Variants in IGSF21 observed in about 807,000 individuals in gnomAD.
IGSF21 encodes the protein immunoglobulin superfamily member 21.
A neutral mutation model predicts 46.8 loss-of-function variants in IGSF21; 28 were observed. The ratio of observed to expected loss-of-function variants is 0.60; its 90% CI spans 0.44 to 0.82. The LOEUF (loss-of-function observed/expected upper bound fraction) is 0.82. IGSF21 is among the 40% of genes least tolerant of loss of function. IGSF21 has a pLI of 0.00. For missense variants in IGSF21, 624 were observed against 665.5 expected (o/e 0.94, Z 0.69); for synonymous variants, 284 against 273.6 (o/e 1.04, Z -0.38).
At chr1:18,272,770 A>G (rs2085055257) in intron 2 of IGSF21, among the ~76,000 whole-genome samples, 1 of 152,214 alleles carries the variant, frequency 6.6e-6, no homozygotes, top group South Asian at 2.1e-4. Flanking sequence ...CCCACTGGAC[A>G]AAAGAGGCAT....
At chr1:18,298,446 T>C (rs945763371) in intron 3 of IGSF21, among the ~76,000 whole-genome samples, 3 of 152,192 alleles carry the variant, frequency 2.0e-5, no homozygotes, top group Non-Finnish European at 4.4e-5. Context: ...TCCGGGTGAA[T>C]CACAGCGAGG....
At chr1:18,292,296 G>T (rs182891173) in intron 3 of IGSF21, among the ~76,000 whole-genome samples, 4 of 152,372 alleles carry the variant, frequency 2.6e-5, no homozygotes, top group Admixed American at 2.6e-4. Context: ...GGCCCAGAGA[G>T]GGGGAGCAAT....
intron 2 of IGSF21, among the ~76,000 whole-genome samples, chr1:18,289,870 T>C (rs1023786834): frequency 1.3e-5 from 2 of 152,082 alleles, no homozygotes; most frequent in African/African-American, 4.8e-5. Context: ...TAAAGGTACT[T>C]TGGTGGCTGT....
chr1:18,359,377 A>G (rs1316197650), intron 4 of IGSF21, among the ~76,000 whole-genome samples: 1 of 107,366 alleles, frequency 9.3e-6, no homozygotes, highest in African/African-American at 4.0e-5. Context: ...AAAGAAAGAA[A>G]GAAAGAAAGG....
intron 3 of IGSF21, among the ~76,000 whole-genome samples, chr1:18,320,653 G>C (rs1274187606): frequency 6.6e-6 from 1 of 152,130 alleles, no homozygotes; most frequent in Non-Finnish European, 1.5e-5. Flanking sequence ...GCTGCCCCTG[G>C]TCCATCCCAA....
At chr1:18,204,553 G>A (rs1005052242) in intron 1 of IGSF21, among the ~76,000 whole-genome samples, 12 of 152,110 alleles carry the variant, frequency 7.9e-5, no homozygotes, top group Admixed American at 2.6e-4. Flanking sequence ...TTGGTTTGAC[G>A]TCTCTGAATG....
At chr1:18,278,785 C>T (rs1161585853) in intron 2 of IGSF21, 1 of 462,034 alleles carries the variant, frequency 2.2e-6, no homozygotes, top group Non-Finnish European at 4.5e-6. Context: ...CAAACTCCTT[C>T]GCTCAAGCAA....
intron 9 of IGSF21, among the ~76,000 whole-genome samples, chr1:18,377,954 C>G (rs2086302126): frequency 6.6e-6 from 1 of 152,190 alleles, no homozygotes; most frequent in African/African-American, 2.4e-5. Flanking sequence ...GACGCTGCTC[C>G]CAGGCCTGCC....
Position 18,322,581 on chromosome 1 carries a change from C to T in IGSF21, c.306-12311C>T, listed in dbSNP as rs1161062846. Among the ~76,000 whole-genome samples the T allele has an allele frequency of 1.3e-5, 2 of 152,208 alleles. No individual in the cohort carries two copies. Among genetic ancestry groups the T allele is most frequent in the Admixed American group, 1.3e-4 (2 of 15,284 alleles). On this transcript the variant is annotated intron_variant, in intron 3 of 9. Coordinates refer to ENST00000251296, the MANE Select transcript of IGSF21 (RefSeq NM_032880.5). This position sits in a 1 kb window ranked among gnomAD's most constrained non-coding sequence, Gnocchi z 4.3. Reference sequence around the variant, plus strand: ...GGTCTCATTTCCCTTTGGCCAACCACCTGGCTCCTGGTTCCCCACCACACG... The same window carrying T: ...GGTCTCATTTCCCTTTGGCCAACCATCTGGCTCCTGGTTCCCCACCACACG...
At chr1:18,364,728 G>A (rs2086142638) in intron 5 of IGSF21, among the ~76,000 whole-genome samples, 2 of 151,946 alleles carry the variant, frequency 1.3e-5, no homozygotes, top group South Asian at 2.1e-4. Flanking sequence ...AAACGCACAC[G>A]CACAGAGATT....
At position 18,365,164 on chromosome 1, in the gene IGSF21, C is replaced by T; in HGVS notation, c.541-59C>T. On this transcript the variant is annotated intron_variant, in intron 5 of 9. Coordinates refer to ENST00000251296, the MANE Select transcript of IGSF21 (RefSeq NM_032880.5). This position sits in a 1 kb window ranked among gnomAD's most constrained non-coding sequence, Gnocchi z 4.8. The stretch of plus-strand genomic sequence containing the variant: ...TGTGCCCAGTTCATCGGAGAACCCA[C>T]TGGGAGGTTGAAGTTAGTAGCACAA... The T allele has an allele frequency of 3.7e-6, 5 of 1,353,264 alleles. No individual in the cohort carries two copies. The South Asian group carries it at 3.9e-5, about 11-fold the overall frequency. 83.8% of individuals were successfully genotyped at this position (1,353,264 alleles called of 1,614,324 possible).
At chr1:18,176,358 G>A (rs998360691) in intron 1 of IGSF21, among the ~76,000 whole-genome samples, 2 of 152,182 alleles carry the variant, frequency 1.3e-5, no homozygotes, top group African/African-American at 2.4e-5. Context: ...GTTAAGGAAC[G>A]ATCACAGGCT....
chr1:18,167,952 C>T (rs898346687), intron 1 of IGSF21, among the ~76,000 whole-genome samples: 3 of 152,290 alleles, frequency 2.0e-5, no homozygotes, highest in Admixed American at 6.5e-5. Context: ...TCCACGTGCG[C>T]CACAAACACC....
intron 1 of IGSF21, among the ~76,000 whole-genome samples, chr1:18,215,615 T>G (rs535803904): frequency 6.2e-4 from 95 of 152,224 alleles, no homozygotes; most frequent in African/African-American, 2.3e-3. Flanking sequence ...GGCAGGTGCA[T>G]AGACCCAGTG....
At chr1:18,189,872 G>T (rs1234230243) in intron 1 of IGSF21, among the ~76,000 whole-genome samples, 1 of 151,420 alleles carries the variant, frequency 6.6e-6, no homozygotes, top group African/African-American at 2.5e-5. Flanking sequence ...TGGTTCCTCT[G>T]CCCTGGAGCC....
chr1:18,371,301 G>A lies in IGSF21; in HGVS notation c.1016-5009G>A, dbSNP rs1369104291. On this transcript the variant is annotated intron_variant, in intron 6 of 9. Coordinates refer to ENST00000251296, the MANE Select transcript of IGSF21 (RefSeq NM_032880.5). ...AAACATGTTGATCAGGCTGGGCACG[G>A]TGGCTTACACTTGCAATCTCAGAAC... Among the ~76,000 whole-genome samples the A allele has an allele frequency of 2.6e-5, 4 of 152,346 alleles. No homozygotes were observed. In the East Asian group the frequency reaches 7.7e-4, roughly 29 times the overall value.
intron 2 of IGSF21, among the ~76,000 whole-genome samples, chr1:18,236,913 G>A (rs1369962753): frequency 6.6e-6 from 1 of 152,170 alleles, no homozygotes; most frequent in African/African-American, 2.4e-5. Flanking sequence ...GGTCGTGGGG[G>A]CTAATGCCTA....
At chr1:18,178,615 G>A (rs918898372) in intron 1 of IGSF21, among the ~76,000 whole-genome samples, 6 of 152,102 alleles carry the variant, frequency 3.9e-5, no homozygotes, top group Non-Finnish European at 7.4e-5. Context: ...ATTATTCTAC[G>A]AGCATAGATT....
At chr1:18,252,243 G>A (rs1346538634) in intron 2 of IGSF21, among the ~76,000 whole-genome samples, 3 of 151,686 alleles carry the variant, frequency 2.0e-5, no homozygotes, top group Non-Finnish European at 1.5e-5. Context: ...GTAGAAATGG[G>A]GTTTCACCGT....
Sources: gnomAD v4.1 joint callset for allele counts (sites outside exome capture counted in the v4.1 genomes callset) on GRCh38, gnomAD v4.1.1 for gene constraint, Gnocchi (gnomAD v3.1) non-coding constraint, MANE v1.5 for transcripts, NCBI Gene and HGNC (gene_info 2026-07-23, HGNC 2026-07-21) for gene names.